ARRDC4: variants seen among roughly 807,000 people sequenced by gnomAD.
ARRDC4 encodes arrestin domain-containing protein 4.
In ARRDC4, 40 loss-of-function variants were observed where a neutral mutation model predicts 44.6. That is an observed-to-expected ratio of 0.90 (90% CI 0.70 to 1.17). The LOEUF (loss-of-function observed/expected upper bound fraction) is 1.17, where lower values mean the gene tolerates loss of function less well. ARRDC4 is among the 50% of genes most tolerant of loss of function. ARRDC4 has a pLI of 0.00. For missense variants in ARRDC4, 550 were observed against 559.1 expected (o/e 0.98, Z 0.16); for synonymous variants, 211 against 221.2 (o/e 0.95, Z 0.41).
chr15:97,970,513 C>CTTGTTTTTGTAGCAGTTA lies in ARRDC4; in HGVS notation c.1046-75_1046-58dup, dbSNP rs2141536939. ...TTTTTATCTTCAAGTTTAGCTGTTT[C>CTTGTTTTTGTAGCAGTTA]TTGTTTTTGTAGCAGTTAAGAATCG... On this transcript the variant is annotated intron_variant, in intron 6 of 7. Coordinates refer to ENST00000268042, the MANE Select transcript of ARRDC4 (RefSeq NM_183376.3). This position sits in a 1 kb window ranked among gnomAD's most constrained non-coding sequence, Gnocchi z 4.2. 6.9e-7 allele frequency: 1 copy of CTTGTTTTTGTAGCAGTTA among 1,454,448 alleles called. No homozygotes were observed. Among genetic ancestry groups the CTTGTTTTTGTAGCAGTTA allele is most frequent in the South Asian group, 1.3e-5 (1 of 76,042 alleles). The allele number at this position is 1,454,448 out of a possible 1,614,324, so 90.1% of individuals were successfully genotyped here.
At chr15:97,964,767 T>C (rs542130316) in intron 1 of ARRDC4, among the ~76,000 whole-genome samples, 1 of 152,310 alleles carries the variant, frequency 6.6e-6, no homozygotes, top group East Asian at 1.9e-4. Flanking sequence ...ATACATGACT[T>C]GCTTAATAGC....
At position 97,965,966 on chromosome 15, in the gene ARRDC4, C is replaced by T. The variant is rs1899413623; in HGVS notation, c.446C>T (p.Pro149Leu). 2 of 1,614,104 alleles carry T rather than the reference C, an allele frequency of 1.2e-6. No homozygotes were observed. The highest frequency in any genetic ancestry group is 4.5e-5 in the East Asian group (2 of 44,876). Residue 149 changes from proline to leucine, a missense_variant, in exon 3 of 8, where the codon CCC becomes CTC. Pro to Leu is a moderately conservative substitution (Grantham distance 98). Transcript: ENST00000268042. This position sits in a 1 kb window ranked among gnomAD's most constrained non-coding sequence, Gnocchi z 5.1. ...TGTGTGCGGGCAGTGTTGGAACGAC[C>T]CAAGGTACCTGATCAGAGTGTAAAG... ...QYCVRAVLER[P>L]KVPDQSVKRE...
chr15:97,964,251 T>TA (rs1445743385), intron 1 of ARRDC4, among the ~76,000 whole-genome samples: 1 of 152,170 alleles, frequency 6.6e-6, no homozygotes, highest in Non-Finnish European at 1.5e-5. Flanking sequence ...ATTTAAGGGA[T>TA]AAAAAATTCC....
Position 97,967,124 on chromosome 15 carries a change from AC to A in ARRDC4, c.523-888del, listed in dbSNP as rs982769958. On this transcript the variant is annotated intron_variant, in intron 3 of 7. Coordinates refer to ENST00000268042, the MANE Select transcript of ARRDC4 (RefSeq NM_183376.3). This position sits in a 1 kb window ranked among gnomAD's most constrained non-coding sequence, Gnocchi z 5.0. ...CTGGGACTTTAACAGCCGCTTGAAA[AC>A]CATTTTTGAAAAATTGGTGATGCCA... Among the ~76,000 whole-genome samples, 1 of 152,108 alleles carries A rather than the reference AC, an allele frequency of 6.6e-6. No individual in the cohort carries two copies. The highest frequency in any genetic ancestry group is 1.5e-5 in the Non-Finnish European group (1 of 67,998).
In ARRDC4 at chr15:97,968,139, C is replaced by T; in HGVS notation, c.625+23C>T. ...ATGGTAAGCAAAATGCTTGAAAGTC[C>T]AAATGAAAGATTTCATTCATTTTCT... On this transcript the variant is annotated intron_variant, in intron 4 of 7. Coordinates refer to ENST00000268042, the MANE Select transcript of ARRDC4 (RefSeq NM_183376.3). This position sits in a 1 kb window ranked among gnomAD's most constrained non-coding sequence, Gnocchi z 5.4. 7.1e-7 allele frequency: 1 copy of T among 1,416,024 alleles called. No homozygotes were observed. Among genetic ancestry groups the T allele is most frequent in the Non-Finnish European group, 9.6e-7 (1 of 1,042,590 alleles). The allele number at this position is 1,416,024 out of a possible 1,614,324, so 87.7% of individuals were successfully genotyped here.
chr15:97,969,471 G>A, intron 5 of ARRDC4, 92 bp downstream of exon 5: 1 of 1,423,938 alleles, frequency 7.0e-7, no homozygotes, highest in Non-Finnish European at 9.6e-7. Context: ...CTATAAAAAT[G>A]TCATTTTATT....
rs1302222202 is a variant in ARRDC4 at position 97,969,162 on chromosome 15, C to A, written c.665C>A (p.Ser222Tyr). ...ATCTATGCAGAAATAGAAAATTGTTCCTCTCGTCTGATTGTTCCAAAGGCT... is the reference window on the plus strand; with the variant it reads ...ATCTATGCAGAAATAGAAAATTGTTACTCTCGTCTGATTGTTCCAAAGGCT... ...IPIYAEIENC[S>Y]SRLIVPKAAI... Residue 222 changes from serine to tyrosine, a missense_variant, in exon 5 of 8, where the codon TCC becomes TAC. Physicochemically the swap from Ser to Tyr is moderately radical, Grantham distance 144 (BLOSUM62 -2). Transcript: ENST00000268042. 2 of 1,613,698 alleles carry A rather than the reference C, an allele frequency of 1.2e-6. No individual in the cohort carries two copies. The highest frequency in any genetic ancestry group is 1.3e-5 in the African/African-American group (1 of 74,892).
intron 1 of ARRDC4, among the ~76,000 whole-genome samples, chr15:97,964,233 A>AT (rs1899375790): frequency 6.6e-6 from 1 of 151,956 alleles, no homozygotes; most frequent in Non-Finnish European, 1.5e-5. Context: ...ATAAAACTCT[A>AT]TTTTTTTATT....
chr15:97,968,944 C>T lies in ARRDC4; in HGVS notation c.626-179C>T, dbSNP rs1899462431. Among the ~76,000 whole-genome samples the T allele has an allele frequency of 6.6e-6, 1 of 152,142 alleles. No individual in the cohort carries two copies. Among genetic ancestry groups the T allele is most frequent in the African/African-American group, 2.4e-5 (1 of 41,428 alleles). On this transcript the variant is annotated intron_variant, in intron 4 of 7. Coordinates refer to ENST00000268042, the MANE Select transcript of ARRDC4 (RefSeq NM_183376.3). This position sits in a 1 kb window ranked among gnomAD's most constrained non-coding sequence, Gnocchi z 5.4. ...TAATGCAATAATTAGAAAATAAGAT[C>T]TACCACAACCTGCAGTGAATTTTTA...
chr15:97,969,554 GA>G (rs1266310357), intron 5 of ARRDC4, among the ~76,000 whole-genome samples, 175 bp downstream of exon 5: 1 of 152,150 alleles, frequency 6.6e-6, no homozygotes, highest in Non-Finnish European at 1.5e-5. Context: ...CCCCACAGGG[GA>G]TTTAATAGAA....
At chr15:97,961,835 C>G (rs558183274) in intron 1 of ARRDC4, among the ~76,000 whole-genome samples, 1 of 152,158 alleles carries the variant, frequency 6.6e-6, no homozygotes. Context: ...TCCCCCACTT[C>G]TCTCCACTCA....
chr15:97,973,725 T>A lies in ARRDC4; in HGVS notation c.*2538T>A, dbSNP rs758870752. The A allele has an allele frequency of 6.6e-6, 1 of 152,572 alleles. No homozygotes were observed. Among genetic ancestry groups the A allele is most frequent in the Admixed American group, 6.6e-5 (1 of 15,260 alleles). The allele number at this position is 152,572 out of a possible 1,614,324, so 9.5% of individuals were successfully genotyped here. On this transcript the variant is annotated 3_prime_UTR_variant, in exon 8 of 8. Transcript: ENST00000268042. ...TGGTAAGTTAACTATGAAAGCTTTC[T>A]TATTTTTATTATTAAAAATGTAACA...
At chr15:97,961,262 G>T in intron 1 of ARRDC4, 94 bp downstream of exon 1, 1 of 1,173,808 alleles carries the variant, frequency 8.5e-7, no homozygotes, top group Non-Finnish European at 1.1e-6. Context: ...CCACCTGGCA[G>T]GTGAGATCAG....
rs375667920 is a variant in ARRDC4 at position 97,971,223 on chromosome 15, T to G, written c.*36T>G. ...GAAATCACTGTGTTCATCATCAAAT[T>G]AGAATGTTGGTTCTTTTCCTTCTGC... On this transcript the variant is annotated 3_prime_UTR_variant, in exon 8 of 8. Coordinates refer to ENST00000268042, the MANE Select transcript of ARRDC4 (RefSeq NM_183376.3). The G allele has an allele frequency of 6.3e-7, 1 of 1,592,734 alleles. No homozygotes were observed. The highest frequency in any genetic ancestry group is 8.6e-7 in the Non-Finnish European group (1 of 1,161,410).
rs1346952370 is a variant in ARRDC4, at chr15:97,960,788, C to T, written c.-74C>T. ...ACCCTGCCGCGAGCGCCTGTGACAG[C>T]GGCGCCGCTGTGCTCGCGACCCCGG... On this transcript the variant is annotated 5_prime_UTR_variant, in exon 1 of 8. Transcript: ENST00000268042. The T allele has an allele frequency of 2.4e-6, 3 of 1,228,558 alleles. No homozygotes were observed. Among genetic ancestry groups the T allele is most frequent in the South Asian group, 3.3e-5 (1 of 30,750 alleles). 76.1% of individuals were successfully genotyped at this position (1,228,558 alleles called of 1,614,324 possible). A position where few individuals can be genotyped will look rare whatever the true frequency, so the allele number is the denominator to read the frequency against.
rs1407891673 is a variant in ARRDC4 at position 97,966,541 on chromosome 15, A to G, written c.522+499A>G. 6.6e-6 allele frequency among the ~76,000 whole-genome samples: 1 copy of G among 152,156 alleles called. No homozygotes were observed. The highest frequency in any genetic ancestry group is 1.5e-5 in the Non-Finnish European group (1 of 68,022). ...TCATTTTCTAACATTAAGTAAGTGC[A>G]TGCAGCTGCCGCCGAGATCCTTTCA... On this transcript the variant is annotated intron_variant, in intron 3 of 7. Transcript: ENST00000268042. This position sits in a 1 kb window ranked among gnomAD's most constrained non-coding sequence, Gnocchi z 4.7.
In ARRDC4 at chr15:97,966,065, C is replaced by T. The variant is rs1188469247; in HGVS notation, c.522+23C>T. 9.3e-6 allele frequency: 15 copies of T among 1,612,332 alleles called. No homozygotes were observed. Among genetic ancestry groups the T allele is most frequent in the Non-Finnish European group, 1.2e-5 (14 of 1,178,832 alleles). On this transcript the variant is annotated intron_variant, in intron 3 of 7. Coordinates refer to ENST00000268042, the MANE Select transcript of ARRDC4 (RefSeq NM_183376.3). The surrounding 1 kb of genome is among the most constrained non-coding windows in gnomAD (Gnocchi z 4.7). ...TTAGTAAGTTCTTCCTTTTTCTCTT[C>T]CTCCTCCTTTTCCTCCTTCCCTCCC...
In ARRDC4 at chr15:97,967,628, A is replaced by C. The variant is rs117953504; in HGVS notation, c.523-386A>C. Among the ~76,000 whole-genome samples the C allele has an allele frequency of 1.1e-3, 175 of 152,268 alleles. No individual in the cohort carries two copies. Among genetic ancestry groups the C allele is most frequent in the Admixed American group, 2.8e-3 (43 of 15,290 alleles). ...AATGTTCTGATTATTTTTTATTTTT[A>C]TATCATTTATCCTTCCACCTGACTT... On this transcript the variant is annotated intron_variant, in intron 3 of 7. Coordinates refer to ENST00000268042, the MANE Select transcript of ARRDC4 (RefSeq NM_183376.3). This position sits in a 1 kb window ranked among gnomAD's most constrained non-coding sequence, Gnocchi z 5.0.
chr15:97,963,454 C>T (rs1336120157), intron 1 of ARRDC4, among the ~76,000 whole-genome samples: 1 of 152,106 alleles, frequency 6.6e-6, no homozygotes, highest in Non-Finnish European at 1.5e-5. Flanking sequence ...GATATAGATC[C>T]GATGTCGATT....
Sources: allele counts gnomAD v4.1 joint callset (sites outside exome capture counted in the v4.1 genomes callset), GRCh38; gene constraint gnomAD v4.1.1; non-coding constraint Gnocchi (gnomAD v3.1); transcripts MANE v1.5; gene names NCBI Gene and HGNC (gene_info 2026-07-23, HGNC 2026-07-21).